The following ANKRD23 variants were observed in gnomAD, a reference collection of about 807,000 sequenced individuals.
ANKRD23 encodes ankyrin repeat domain-containing protein 23.
ANKRD23 carries 52 observed loss-of-function variants against 38.1 expected under a neutral mutation model. That is an observed-to-expected ratio of 1.36 (90% confidence interval 1.09 to 1.72). The LOEUF is 1.72. Ranked by LOEUF, ANKRD23 falls within the 40% of genes most tolerant of loss-of-function variation. The pLI is 0.00. For missense variants in ANKRD23, 416 were observed against 400.2 expected (o/e 1.04, Z -0.34); for synonymous variants, 167 against 162.9 (o/e 1.03, Z -0.19).
At position 96,840,333 on chromosome 2, in the gene ANKRD23, G is replaced by A. The variant is rs1049662274; in HGVS notation, c.526-3C>T. ...CAGAACACAGGTGTCCTGTCCAGCT[G>A]CAAAACAAAAGCACCCAAGCACTCA... is the stretch of plus-strand genomic sequence containing the variant. On this transcript the variant is annotated splice_polypyrimidine_tract_variant and splice_region_variant and intron_variant, in intron 5 of 8. Coordinates refer to ENST00000318357, the MANE Select transcript of ANKRD23 (RefSeq NM_144994.8). 1 of 1,606,130 alleles carries A rather than the reference G, an allele frequency of 6.2e-7. No individual in the cohort carries two copies.
chr2:96,843,656 C>A (rs2079784434), intron 1 of ANKRD23, among the ~76,000 whole-genome samples: 1 of 152,166 alleles, frequency 6.6e-6, no homozygotes, highest in Non-Finnish European at 1.5e-5. Flanking sequence ...CACCACCTCA[C>A]ATGAGAACCG....
At chr2:96,840,351 A>G (rs1007011539) in intron 5 of ANKRD23, 21 bp from the exon 6 acceptor site, 1 of 1,607,538 alleles carries the variant, frequency 6.2e-7, no homozygotes, top group African/African-American at 1.3e-5. Context: ...AAAGCACCCA[A>G]GCACTCAGCT....
Position 96,840,262 on chromosome 2 carries a change from G to A in ANKRD23, c.594C>T (p.Asn198=). 5 of 1,611,680 alleles carry A rather than the reference G, an allele frequency of 3.1e-6. No individual in the cohort carries two copies. The highest frequency in any genetic ancestry group is 4.2e-6 in the Non-Finnish European group (5 of 1,178,852). Residue 198 remains asparagine, a synonymous_variant, in exon 6 of 9, where the codon AAC becomes AAT. Coordinates refer to ENST00000318357, the MANE Select transcript of ANKRD23 (RefSeq NM_144994.8). ...CCCGGGCATTGACCCGGGCTCCCTG[G>A]TTAAGCAGCTGTTTGAGGATGACCA... ...GHLVILKQLL[N]QGARVNARDK...
chr2:96,841,214 T>C (rs2079756877), intron 3 of ANKRD23: 1 of 320,184 alleles, frequency 3.1e-6, no homozygotes. Flanking sequence ...TTAGTTAAGA[T>C]GAGGTCACAC....
chr2:96,839,407 C>G lies in ANKRD23; in HGVS notation c.*142G>C. The G allele has an allele frequency of 3.9e-6, 5 of 1,282,738 alleles. No individual in the cohort carries two copies. The highest frequency in any genetic ancestry group is 2.9e-4 in the Middle Eastern group (1 of 3,404). The allele number at this position is 1,282,738 out of a possible 1,614,324, so 79.5% of individuals were successfully genotyped here. A position where few individuals can be genotyped will look rare whatever the true frequency, so the allele number is the denominator to read the frequency against. ...CTGGGCCCGGTGCCGCTCTTCAGTT[C>G]TGCCAGGGCTGCTGAGGCGGCACAG... is the stretch of plus-strand genomic sequence containing the variant. On this transcript the variant is annotated 3_prime_UTR_variant, in exon 9 of 9. Transcript: ENST00000318357.
Position 96,839,662 on chromosome 2 carries a change from G to C in ANKRD23, c.823-18C>G. On this transcript the variant is annotated intron_variant, in intron 8 of 8. Coordinates refer to ENST00000318357, the MANE Select transcript of ANKRD23 (RefSeq NM_144994.8). ...ACGGAGGCCTGGGAGCAACGGTGTG[G>C]GTCAGTCCCTTGCAGGCGCTCCACC... 6.4e-7 allele frequency: 1 copy of C among 1,572,172 alleles called. No individual in the cohort carries two copies. Among genetic ancestry groups the C allele is most frequent in the Non-Finnish European group, 8.7e-7 (1 of 1,155,950 alleles).
Position 96,840,783 on chromosome 2 carries a change from C to G in ANKRD23, c.426+4G>C, listed in dbSNP as rs769253900. Reference sequence around the variant, plus strand: ...TGCCAGCCGACTCACCCAACCTGTGCTACCTTGTCATGGGCATTGGGGTCC... The same window carrying G: ...TGCCAGCCGACTCACCCAACCTGTGGTACCTTGTCATGGGCATTGGGGTCC... On this transcript the variant is annotated splice_donor_region_variant and intron_variant, in intron 4 of 8. Coordinates refer to ENST00000318357, the MANE Select transcript of ANKRD23 (RefSeq NM_144994.8). 17 of 1,614,174 alleles carry G rather than the reference C, an allele frequency of 1.1e-5. No homozygotes were observed. Among genetic ancestry groups the G allele is most frequent in the Non-Finnish European group, 1.4e-5 (17 of 1,180,010 alleles).
rs970152438 is a variant in ANKRD23 at position 96,838,125 on chromosome 2, A to T, written c.*1424T>A. ...AAGGTGTGTGCCCCTAGTGTGCAGCACTGGTCAGCTTTTCCACATAGTAAC... is the reference window on the plus strand; with the variant it reads ...AAGGTGTGTGCCCCTAGTGTGCAGCTCTGGTCAGCTTTTCCACATAGTAAC... On this transcript the variant is annotated 3_prime_UTR_variant, in exon 9 of 9. Transcript: ENST00000318357. The T allele has an allele frequency of 6.3e-6, 1 of 159,000 alleles. No homozygotes were observed. Among genetic ancestry groups the T allele is most frequent in the Non-Finnish European group, 1.3e-5 (1 of 74,194 alleles). 9.8% of individuals were successfully genotyped at this position (159,000 alleles called of 1,614,324 possible).
intron 3 of ANKRD23, among the ~76,000 whole-genome samples, chr2:96,841,398 C>G (rs549487459): frequency 1.3e-5 from 2 of 152,022 alleles, no homozygotes; most frequent in Non-Finnish European, 2.9e-5. Context: ...AGATTGAGAC[C>G]ATCCTGGCTA....
At position 96,839,872 on chromosome 2, in the gene ANKRD23, T is replaced by TC. The variant is rs766472569; in HGVS notation, c.724-48dup. ...AAGCTTCTGCCTCCGCGTGCTGCCC[T>TC]CCTCATGCAGGAAGGTCAGGGCTGC... On this transcript the variant is annotated intron_variant, in intron 7 of 8. Coordinates refer to ENST00000318357, the MANE Select transcript of ANKRD23 (RefSeq NM_144994.8). 2.3e-5 allele frequency: 36 copies of TC among 1,577,644 alleles called. No homozygotes were observed. In the East Asian group the frequency reaches 7.5e-4, roughly 33 times the overall value.
Position 96,844,012 on chromosome 2 carries a change from A to G in ANKRD23, c.-20T>C. 1 of 1,588,902 alleles carries G rather than the reference A, an allele frequency of 6.3e-7. No individual in the cohort carries two copies. The highest frequency in any genetic ancestry group is 8.6e-7 in the Non-Finnish European group (1 of 1,168,220). On this transcript the variant is annotated 5_prime_UTR_variant, in exon 1 of 9. Transcript: ENST00000318357. ...GTCCATGGTCCCCCCTGTTCCTCAC[A>G]CCCCCCAGTGAGAAGAGCTGAACTG...
Position 96,840,029 on chromosome 2 carries a change from C to T in ANKRD23, c.691G>A (p.Glu231Lys), listed in dbSNP as rs138077927. The part of the protein sequence containing the change: ...RHPDCLEHLI[E>K]CGAHLNAQDK... ...TGTGCGTTCAGGTGGGCGCCACACT[C>T]GATGAGGTGCTCCAGGCAGTCGGGG... Residue 231 changes from glutamate to lysine, a missense_variant, in exon 7 of 9, where the codon GAG (glutamate) becomes AAG (lysine). Physicochemically the swap from Glu to Lys is moderately conservative, Grantham distance 56 (BLOSUM62 1). Coordinates refer to ENST00000318357, the MANE Select transcript of ANKRD23 (RefSeq NM_144994.8). 2 of 1,560,924 alleles carry T rather than the reference C, an allele frequency of 1.3e-6. No homozygotes were observed. The highest frequency in any genetic ancestry group is 1.7e-6 in the Non-Finnish European group (2 of 1,151,838).
Position 96,839,781 on chromosome 2 carries a change from G to GT in ANKRD23, c.767dup (p.Tyr256Ter), listed in dbSNP as rs777116196. Reference protein sequence around the residue: ...ALHEAVRHGSYKAMKLLLLYG... With the variant: ...ALHEAVRHGS ...AGAGCAGCAGTAGCTTCATGGCTTTGTAGCTGCCGTGCCGCACGGCCTCGT... is the reference window on the plus strand; with the variant it reads ...AGAGCAGCAGTAGCTTCATGGCTTTGTTAGCTGCCGTGCCGCACGGCCTCGT... Residue 256 changes from tyrosine (Y) to a stop codon, truncating the protein, a stop_gained and frameshift_variant, in exon 8 of 9, where the codon TAC becomes TAAC. Transcript: ENST00000318357. LOFTEE classifies it high-confidence loss of function. The GT allele has an allele frequency of 6.2e-7, 1 of 1,613,438 alleles. No individual in the cohort carries two copies. Among genetic ancestry groups the GT allele is most frequent in the Non-Finnish European group, 8.5e-7 (1 of 1,179,968 alleles).
intron 1 of ANKRD23, among the ~76,000 whole-genome samples, chr2:96,842,994 A>G (rs529959118): frequency 8.5e-5 from 13 of 152,210 alleles, no homozygotes; most frequent in Non-Finnish European, 1.8e-4. Flanking sequence ...TTGAAGCTAC[A>G]TTTAAGCTCA....
intron 7 of ANKRD23, 43 bp from the exon 8 acceptor site, chr2:96,839,868 G>A (rs2153358486): frequency 6.3e-7 from 1 of 1,582,460 alleles, no homozygotes; most frequent in Non-Finnish European, 8.6e-7. Flanking sequence ...TCCGCGTGCT[G>A]CCCTCCTCAT....
chr2:96,839,904 C>T (rs901092174), intron 7 of ANKRD23, 79 bp from the exon 8 acceptor site: 2 of 1,552,188 alleles, frequency 1.3e-6, no homozygotes, highest in Admixed American at 1.9e-5. Context: ...CTGCTGTCAC[C>T]GAGCAGACAG....
At chr2:96,841,874 C>T (rs1016098373) in intron 3 of ANKRD23, among the ~76,000 whole-genome samples, 186 bp downstream of exon 3, 4 of 152,214 alleles carry the variant, frequency 2.6e-5, no homozygotes, top group Non-Finnish European at 4.4e-5. Flanking sequence ...TGAGGCTGTC[C>T]AGGCTGTGGG....
At position 96,840,510 on chromosome 2, in the gene ANKRD23, T is replaced by C; in HGVS notation, c.431A>G (p.His144Arg). The C allele has an allele frequency of 6.2e-7, 1 of 1,613,682 alleles. No individual in the cohort carries two copies. Among genetic ancestry groups the C allele is most frequent in the Non-Finnish European group, 8.5e-7 (1 of 1,179,980 alleles). ...GGDPNAHDKL[H>R]RTALHWACLK... Reference sequence around the variant, plus strand: ...ACAGGCCCAGTGCAAGGCGGTGCGGTGGAGCTGAGGGCAGAGATGGAAGAT... The same window carrying C: ...ACAGGCCCAGTGCAAGGCGGTGCGGCGGAGCTGAGGGCAGAGATGGAAGAT... The change falls in exon 5 of 9, where the codon CAC (histidine) becomes CGC (arginine). Residue 144 changes from histidine (H) to arginine (R), a missense_variant. Coordinates refer to ENST00000318357, the MANE Select transcript of ANKRD23 (RefSeq NM_144994.8).
intron 3 of ANKRD23, 37 bp downstream of exon 3, chr2:96,842,023 G>C (rs779423681): frequency 6.2e-7 from 1 of 1,612,526 alleles, no homozygotes; most frequent in African/African-American, 1.3e-5. Context: ...CTGGAGCCCT[G>C]GTGTGTGCAC....
Sources: gnomAD v4.1 joint callset for allele counts (sites outside exome capture counted in the v4.1 genomes callset) on GRCh38, gnomAD v4.1.1 for gene constraint, MANE v1.5 for transcripts, NCBI Gene and HGNC (gene_info 2026-07-23, HGNC 2026-07-21) for gene names.